The following ABCA13 variants were observed in gnomAD, a reference collection of about 807,000 sequenced individuals.
The protein encoded by ABCA13 is ATP-binding cassette sub-family A member 13.
In ABCA13, 476 loss-of-function variants were observed where a neutral mutation model predicts 478.7. The observed-to-expected ratio is 0.99, with a 90% CI of 0.92 to 1.07. ABCA13 has a LOEUF of 1.07. Ranked by LOEUF, ABCA13 falls within the 50% of genes least tolerant of loss-of-function variation. The pLI is 0.00. For missense variants in ABCA13, 6,060 were observed against 5,910.6 expected (o/e 1.03, Z -0.83); for synonymous variants, 2,252 against 2,158.9 (o/e 1.04, Z -1.20).
At chr7:48,188,230 G>A (rs972297441) in intron 1 of ABCA13, among the ~76,000 whole-genome samples, 5 of 152,190 alleles carry the variant, frequency 3.3e-5, no homozygotes, top group African/African-American at 7.2e-5. Context: ...ATTGTTAAAC[G>A]TTTTGTGTAA....
At chr7:48,293,787 G>A (rs1220455738) in intron 20 of ABCA13, among the ~76,000 whole-genome samples, 1 of 152,114 alleles carries the variant, frequency 6.6e-6, no homozygotes, top group Non-Finnish European at 1.5e-5. Context: ...TTAAAAAACT[G>A]ATTGTTTCTA....
chr7:48,506,584 A>T (rs921032108), intron 49 of ABCA13, among the ~76,000 whole-genome samples, 194 bp downstream of exon 49: 1 of 152,220 alleles, frequency 6.6e-6, no homozygotes, highest in Non-Finnish European at 1.5e-5. Context: ...GAGTCAGTAC[A>T]TTGACTGAGC....
At chr7:48,303,608 G>A (rs1044739203) in intron 23 of ABCA13, among the ~76,000 whole-genome samples, 1 of 152,084 alleles carries the variant, frequency 6.6e-6, no homozygotes, top group Non-Finnish European at 1.5e-5. Context: ...CCTATTGCTT[G>A]TTTTTGTCAG....
rs993192141 is a variant in ABCA13, at chr7:48,627,492, T to C, written c.14837+12115T>C. On this transcript the variant is annotated intron_variant, in intron 59 of 61. Transcript: ENST00000435803. ...CTGGTTTGATGAAATAAAAGATATTTAGAGTAAGACTCTTACTCACTTACT... is the reference window on the plus strand; with the variant it reads ...CTGGTTTGATGAAATAAAAGATATTCAGAGTAAGACTCTTACTCACTTACT... Among the ~76,000 whole-genome samples the C allele has an allele frequency of 3.9e-5, 6 of 152,204 alleles. No homozygotes were observed. The East Asian group carries it at 7.7e-4, about 20-fold the overall frequency.
intron 10 of ABCA13, among the ~76,000 whole-genome samples, chr7:48,243,307 A>C (rs2129017206): frequency 6.6e-6 from 1 of 152,322 alleles, no homozygotes; most frequent in South Asian, 2.1e-4. Context: ...AAATAAAATA[A>C]TCTCTTTCTC....
chr7:48,501,317 A>C (rs751932836), intron 48 of ABCA13, among the ~76,000 whole-genome samples: 3 of 152,164 alleles, frequency 2.0e-5, no homozygotes, highest in Non-Finnish European at 4.4e-5. Flanking sequence ...CAGAGTAAAA[A>C]CATGGGAATG....
chr7:48,198,295 T>G lies in ABCA13; in HGVS notation c.222T>G (p.Leu74=). 1 of 1,613,818 alleles carries G rather than the reference T, an allele frequency of 6.2e-7. No individual in the cohort carries two copies. The highest frequency in any genetic ancestry group is 1.1e-5 in the South Asian group (1 of 91,006). ...SCGVIPFVQS[L]LCNTGSRCRN... is the part of the protein sequence containing the mutation. The stretch of plus-strand genomic sequence containing the variant: ...GTGTTATCCCCTTTGTTCAAAGCCT[T>G]CTTTGTAACACTGGATCAAGGTGTA... Residue 74 remains leucine (L), a synonymous_variant, in exon 3 of 62, where the codon CTT becomes CTG. Coordinates refer to ENST00000435803, the MANE Select transcript of ABCA13 (RefSeq NM_152701.5).
At chr7:48,485,368 G>C (rs1475009840) in intron 47 of ABCA13, among the ~76,000 whole-genome samples, 2 of 151,846 alleles carry the variant, frequency 1.3e-5, no homozygotes, top group African/African-American at 4.8e-5. Flanking sequence ...ATCACTTCGT[G>C]ACTTATGGAC....
intron 42 of ABCA13, among the ~76,000 whole-genome samples, chr7:48,447,612 G>T (rs992033418): frequency 2.0e-5 from 3 of 152,288 alleles, no homozygotes; most frequent in Admixed American, 6.5e-5. Context: ...AGAGGTTAAA[G>T]GAACTGCAGA....
intron 61 of ABCA13, 61 bp downstream of exon 61, chr7:48,644,815 G>T: frequency 7.0e-7 from 1 of 1,432,584 alleles, no homozygotes; most frequent in Non-Finnish European, 9.3e-7. Context: ...ACCTAATGTA[G>T]CCAATTTTAA....
At chr7:48,509,436 A>G (rs781697023) in intron 50 of ABCA13, among the ~76,000 whole-genome samples, 2 of 152,208 alleles carry the variant, frequency 1.3e-5, no homozygotes, top group Non-Finnish European at 2.9e-5. Flanking sequence ...GAGAATCACA[A>G]CACACAGGGG....
chr7:48,420,851 G>A (rs1214491904), intron 41 of ABCA13, among the ~76,000 whole-genome samples: 1 of 151,646 alleles, frequency 6.6e-6, no homozygotes, highest in African/African-American at 2.4e-5. Flanking sequence ...AAAGGATCCA[G>A]TCCAGGATCA....
chr7:48,580,769 T>C (rs559102365), intron 56 of ABCA13, among the ~76,000 whole-genome samples: 2 of 152,300 alleles, frequency 1.3e-5, no homozygotes, highest in East Asian at 3.9e-4. Context: ...ACAAATTATG[T>C]GTGGAATCTG....
At chr7:48,236,560 C>T (rs1789979958) in intron 8 of ABCA13, among the ~76,000 whole-genome samples, 1 of 152,206 alleles carries the variant, frequency 6.6e-6, no homozygotes, top group African/African-American at 2.4e-5. Flanking sequence ...GGGTCTGAGC[C>T]TCTTTCTCAA....
intron 42 of ABCA13, among the ~76,000 whole-genome samples, chr7:48,434,414 C>T (rs1258667752): frequency 4.0e-5 from 6 of 151,868 alleles, no homozygotes; most frequent in Admixed American, 3.9e-4. Flanking sequence ...ATATTAATCT[C>T]ATATTAGAAA....
chr7:48,448,389 C>G (rs11185606), intron 42 of ABCA13, among the ~76,000 whole-genome samples: 36,847 of 152,090 alleles, frequency 0.24, 5,172 homozygotes, highest in Middle Eastern at 0.35. Flanking sequence ...CATTCAATAT[C>G]CCTGATTCCC....
At chr7:48,215,342 G>T (rs981298111) in intron 3 of ABCA13, among the ~76,000 whole-genome samples, 1 of 152,080 alleles carries the variant, frequency 6.6e-6, no homozygotes, top group Non-Finnish European at 1.5e-5. Context: ...TATTGATTGA[G>T]TTCTCCATCT....
chr7:48,516,970 C>G (rs74644650), intron 52 of ABCA13, 89 bp downstream of exon 52: 34,685 of 1,401,240 alleles, frequency 0.025, 547 homozygotes, highest in South Asian at 0.029. Context: ...GCTTTTCTGA[C>G]TGGAATTCAA....
Position 48,248,319 on chromosome 7 carries a change from A to G in ABCA13, c.1740A>G (p.Glu580=). The G allele has an allele frequency of 6.2e-7, 1 of 1,613,922 alleles. No individual in the cohort carries two copies. The highest frequency in any genetic ancestry group is 1.1e-5 in the South Asian group (1 of 91,068). The change falls in exon 14 of 62, where the codon GAA becomes GAG. Residue 580 remains glutamate, a synonymous_variant. Coordinates refer to ENST00000435803, the MANE Select transcript of ABCA13 (RefSeq NM_152701.5). Reference sequence around the variant, plus strand: ...CTGAAGAATATTTGGACTGGCAGGAACTTGAGATGCAGCTGTCAGAAGCAA... The same window carrying G: ...CTGAAGAATATTTGGACTGGCAGGAGCTTGAGATGCAGCTGTCAGAAGCAA... ...LIPEEYLDWQ[E]LEMQLSEASL...
Sources: gnomAD v4.1 joint callset for allele counts (sites outside exome capture counted in the v4.1 genomes callset) on GRCh38, gnomAD v4.1.1 for gene constraint, MANE v1.5 for transcripts, NCBI Gene and HGNC (gene_info 2026-07-23, HGNC 2026-07-21) for gene names.